Variants in NIT2 observed in about 807,000 individuals in gnomAD.
The protein encoded by NIT2 is omega-amidase NIT2.
Under a neutral mutation model 42.7 loss-of-function variants are expected in NIT2, and 46 were observed. That is an observed-to-expected ratio of 1.08 (90% confidence interval 0.85 to 1.38). NIT2 has a LOEUF of 1.38. Among genes scored for constraint, NIT2 ranks in the 40% most tolerant of loss-of-function variants. The probability of loss-of-function intolerance (pLI) is 0.00; values close to 1 mark genes in which losing one functional copy is unlikely to be tolerated. For missense variants in NIT2, 309 were observed against 342.5 expected (o/e 0.90, Z 0.77); for synonymous variants, 123 against 121.9 (o/e 1.01, Z -0.06).
At chr3:100,337,365 C>G (rs1238037309) in intron 1 of NIT2, among the ~76,000 whole-genome samples, 1 of 152,172 alleles carries the variant, frequency 6.6e-6, no homozygotes, top group African/African-American at 2.4e-5. Flanking sequence ...TGCGTCCCAC[C>G]AGACCATAAG....
At chr3:100,340,496 TAAAC>T (rs1477560405) in intron 3 of NIT2, among the ~76,000 whole-genome samples, 3 of 152,190 alleles carry the variant, frequency 2.0e-5, no homozygotes, top group Admixed American at 6.5e-5. Context: ...AAATAAAAAA[TAAAC>T]ACAGAAAAAT....
In NIT2 at chr3:100,336,926, A is replaced by G. The variant is rs990889451; in HGVS notation, c.7+2128A>G. On this transcript the variant is annotated intron_variant, in intron 1 of 9. Transcript: ENST00000394140. The stretch of plus-strand genomic sequence containing the variant: ...GGTCTTTCCCTTCCCACGAGGCCAT[A>G]TTTCAGACTATCACATGGGGAGAAA... 5.3e-5 allele frequency among the ~76,000 whole-genome samples: 8 copies of G among 152,244 alleles called. No homozygotes were observed. The South Asian group carries it at 8.3e-4, about 16-fold the overall frequency.
At chr3:100,345,121 A>AT (rs976355186) in intron 4 of NIT2, among the ~76,000 whole-genome samples, 12 of 146,960 alleles carry the variant, frequency 8.2e-5, no homozygotes, top group African/African-American at 1.0e-4. Flanking sequence ...CCCCCGGCTA[A>AT]TTTTTTTTTC....
chr3:100,340,017 T>C, intron 3 of NIT2, 82 bp downstream of exon 3: 5 of 1,203,558 alleles, frequency 4.2e-6, no homozygotes, highest in Non-Finnish European at 5.8e-6. Flanking sequence ...GCGCCTGTAT[T>C]CCCTACTTGG....
intron 5 of NIT2, 53 bp downstream of exon 5, chr3:100,345,731 G>A (rs1576201037): frequency 1.8e-6 from 2 of 1,125,934 alleles, no homozygotes. Flanking sequence ...AGACAATCAG[G>A]TATTTATTTC....
Position 100,348,851 on chromosome 3 carries a change from C to G in NIT2, c.554C>G (p.Pro185Arg). 6.2e-7 allele frequency: 1 copy of G among 1,614,016 alleles called. No homozygotes were observed. The highest frequency in any genetic ancestry group is 8.5e-7 in the Non-Finnish European group (1 of 1,179,910). The change falls in exon 7 of 10, where the codon CCA becomes CGA. Residue 185 changes from proline (P) to arginine (R), a missense_variant. Coordinates refer to ENST00000394140, the MANE Select transcript of NIT2 (RefSeq NM_020202.5). The stretch of plus-strand genomic sequence containing the variant: ...GGAGCTTTTAATCTGACCACTGGAC[C>G]AGCCCATTGGGAGTTACTTCAGCGA... ...YPGAFNLTTG[P>R]AHWELLQRSR...
chr3:100,337,646 G>T (rs1706093920), intron 1 of NIT2, among the ~76,000 whole-genome samples: 1 of 152,108 alleles, frequency 6.6e-6, no homozygotes, highest in Non-Finnish European at 1.5e-5. Flanking sequence ...TAGAGACGGG[G>T]TTTCACCACG....
In NIT2 at chr3:100,358,355, A is replaced by T. The variant is rs1706343457; in HGVS notation, c.*3087A>T. 1 of 152,202 alleles carries T rather than the reference A, an allele frequency of 6.6e-6. No individual in the cohort carries two copies. The highest frequency in any genetic ancestry group is 6.5e-5 in the Admixed American group (1 of 15,280). The allele number at this position is 152,202 out of a possible 1,614,324, so 9.4% of individuals were successfully genotyped here. ...CAGTTGAGGCCTTGGGTAAGTTTTA[A>T]CTGCCATACCCCTGTACTCCCCGAC... On this transcript the variant is annotated 3_prime_UTR_variant, in exon 10 of 10. Coordinates refer to ENST00000394140, the MANE Select transcript of NIT2 (RefSeq NM_020202.5).
chr3:100,340,866 A>G (rs1706142019), intron 3 of NIT2, among the ~76,000 whole-genome samples: 1 of 152,248 alleles, frequency 6.6e-6, no homozygotes, highest in African/African-American at 2.4e-5. Context: ...AGGAAAAAAA[A>G]AACCATGATT....
At chr3:100,352,987 T>C (rs1224471778) in intron 8 of NIT2, among the ~76,000 whole-genome samples, 1 of 152,230 alleles carries the variant, frequency 6.6e-6, no homozygotes, top group Non-Finnish European at 1.5e-5. Flanking sequence ...AGCATTTTAT[T>C]ACTCAGTGGA....
chr3:100,352,402 A>G lies in NIT2; in HGVS notation c.585-2A>G. On this transcript the variant is annotated splice_acceptor_variant, in intron 7 of 9. Coordinates refer to ENST00000394140, the MANE Select transcript of NIT2 (RefSeq NM_020202.5). LOFTEE classifies it high-confidence loss of function. ...TACCTCTTTCCTGTCTATTGACTAC[A>G]GGGCTGTTGATAATCAGGTGTATGT... 6.2e-7 allele frequency: 1 copy of G among 1,610,106 alleles called. No individual in the cohort carries two copies. The highest frequency in any genetic ancestry group is 8.5e-7 in the Non-Finnish European group (1 of 1,176,730).
At position 100,339,923 on chromosome 3, in the gene NIT2, T is replaced by C. The variant is rs147697707; in HGVS notation, c.235T>C (p.Tyr79His). 1 of 1,612,706 alleles carries C rather than the reference T, an allele frequency of 6.2e-7. No homozygotes were observed. Among genetic ancestry groups the C allele is most frequent in the African/African-American group, 1.3e-5 (1 of 74,856 alleles). Residue 79 changes from tyrosine to histidine, a missense_variant, in exon 3 of 10, where the codon TAT becomes CAT. Coordinates refer to ENST00000394140, the MANE Select transcript of NIT2 (RefSeq NM_020202.5). ...TGAAGTAGCAAAGGAATGCAGCATA[T>C]ATCTCATTGGAGGTAACTTCCTACC... ...LSEVAKECSI[Y>H]LIGGSIPEED...
chr3:100,336,936 A>G (rs180806453), intron 1 of NIT2, among the ~76,000 whole-genome samples: 67 of 152,324 alleles, frequency 4.4e-4, no homozygotes, highest in African/African-American at 1.5e-3. Context: ...ATTTCAGACT[A>G]TCACATGGGG....
intron 7 of NIT2, 134 bp downstream of exon 7, chr3:100,349,015 T>C (rs1706246070): frequency 4.4e-6 from 3 of 685,864 alleles, no homozygotes; most frequent in Non-Finnish European, 7.6e-6. Context: ...CCAAATGCAG[T>C]TGGAAAGGAT....
At position 100,336,912 on chromosome 3, in the gene NIT2, T is replaced by G. The variant is rs1045878989; in HGVS notation, c.7+2114T>G. On this transcript the variant is annotated intron_variant, in intron 1 of 9. Transcript: ENST00000394140. ...CTGGGGGACGGTCAGGTCTTTCCCT[T>G]CCCACGAGGCCATATTTCAGACTAT... Among the ~76,000 whole-genome samples, 145 of 152,270 alleles carry G rather than the reference T, an allele frequency of 9.5e-4. 1 individual carries two copies. Among genetic ancestry groups the G allele is most frequent in the Non-Finnish European group, 1.5e-3 (102 of 68,010 alleles).
Position 100,339,841 on chromosome 3 carries a change from G to A in NIT2, c.153G>A (p.Ala51=), listed in dbSNP as rs145328369. 1.7e-4 allele frequency: 272 copies of A among 1,610,250 alleles called. 1 individual carries two copies. The highest frequency in any genetic ancestry group is 5.0e-4 in the Middle Eastern group (3 of 6,046). Residue 51 remains alanine, a synonymous_variant, in exon 3 of 10, where the codon GCG becomes GCA. Coordinates refer to ENST00000394140, the MANE Select transcript of NIT2 (RefSeq NM_020202.5). Reference sequence around the variant, plus strand: ...AATGCTTTAATTCTCCATATGGAGCGAAATATTTTCCTGAATATGCAGAGA... The same window carrying A: ...AATGCTTTAATTCTCCATATGGAGCAAAATATTTTCCTGAATATGCAGAGA... The part of the protein sequence containing the change: ...LPECFNSPYG[A]KYFPEYAEKI...
chr3:100,340,587 C>G (rs950082491), intron 3 of NIT2, among the ~76,000 whole-genome samples: 1 of 152,070 alleles, frequency 6.6e-6, no homozygotes, highest in Non-Finnish European at 1.5e-5. Flanking sequence ...AGCAAGAAGC[C>G]TGGAGATGAA....
At chr3:100,354,963 G>C in intron 9 of NIT2, 136 bp downstream of exon 9, 1 of 845,774 alleles carries the variant, frequency 1.2e-6, no homozygotes, top group East Asian at 2.5e-5. Flanking sequence ...GATATTCTAG[G>C]GTCTGGTTCT....
chr3:100,352,346 T>G, intron 7 of NIT2, 58 bp from the exon 8 acceptor site: 1 of 1,351,380 alleles, frequency 7.4e-7, no homozygotes, highest in Non-Finnish European at 1.1e-6. Flanking sequence ...CTACTTGGGT[T>G]AGAAAAATGT....
Sources: allele counts gnomAD v4.1 joint callset (sites outside exome capture counted in the v4.1 genomes callset), GRCh38; gene constraint gnomAD v4.1.1; transcripts MANE v1.5; gene names NCBI Gene and HGNC (gene_info 2026-07-23, HGNC 2026-07-21).